Variants in STK39 observed in about 807,000 individuals in gnomAD.
STK39 encodes STE20/SPS1-related proline-alanine-rich protein kinase.
A neutral mutation model predicts 77.8 loss-of-function variants in STK39; 20 were observed. That is an observed-to-expected ratio of 0.26 (90% CI 0.18 to 0.37). STK39 has a LOEUF of 0.37. Among genes scored for constraint, STK39 ranks in the 10% least tolerant of loss-of-function variants. STK39 has a pLI of 1.00. For missense variants in STK39, 479 were observed against 656.5 expected (o/e 0.73, Z 2.95); for synonymous variants, 246 against 234.1 (o/e 1.05, Z -0.47).
At chr2:168,130,619 C>T (rs1687654374) in intron 8 of STK39, among the ~76,000 whole-genome samples, 1 of 152,224 alleles carries the variant, frequency 6.6e-6, no homozygotes, top group African/African-American at 2.4e-5. Flanking sequence ...TTGGGTAATA[C>T]TTTGACATTT....
chr2:168,247,508 C>A lies in STK39; in HGVS notation c.-73G>T. The A allele has an allele frequency of 8.8e-7, 1 of 1,141,870 alleles. No individual in the cohort carries two copies. The highest frequency in any genetic ancestry group is 1.1e-6 in the Non-Finnish European group (1 of 916,552). The allele number at this position is 1,141,870 out of a possible 1,614,324, so 70.7% of individuals were successfully genotyped here. On this transcript the variant is annotated 5_prime_UTR_variant, in exon 1 of 18. Transcript: ENST00000355999. Reference sequence around the variant, plus strand: ...TCCACTTGAAACTTCCTTTGCCTCGCCGCCGACACCTCTCGGCCGGCGCAC... The same window carrying A: ...TCCACTTGAAACTTCCTTTGCCTCGACGCCGACACCTCTCGGCCGGCGCAC...
Position 168,194,453 on chromosome 2 carries a change from C to A in STK39, c.209-12363G>T, listed in dbSNP as rs545580391. On this transcript the variant is annotated intron_variant, in intron 1 of 17. Transcript: ENST00000355999. The stretch of plus-strand genomic sequence containing the variant: ...TTAATTAATTAAAGTAAAATAAAAA[C>A]AAAAATGAAGATTCAACATTCCCTC... Among the ~76,000 whole-genome samples the A allele has an allele frequency of 1.8e-3, 275 of 152,036 alleles. 1 individual carries two copies. Among genetic ancestry groups the A allele is most frequent in the African/African-American group, 6.5e-3 (269 of 41,484 alleles).
At chr2:168,205,261 T>A (rs1689712714) in intron 1 of STK39, among the ~76,000 whole-genome samples, 1 of 152,216 alleles carries the variant, frequency 6.6e-6, no homozygotes, top group African/African-American at 2.4e-5. Context: ...TTAAAACCAG[T>A]TATAAAACAT....
intron 14 of STK39, among the ~76,000 whole-genome samples, chr2:168,031,208 C>T (rs1684825120): frequency 6.6e-6 from 1 of 152,078 alleles, no homozygotes; most frequent in African/African-American, 2.4e-5. Flanking sequence ...GGCAAGGGTA[C>T]CAGAAGGGGT....
At chr2:168,051,357 G>C (rs922048935) in intron 14 of STK39, among the ~76,000 whole-genome samples, 1 of 152,138 alleles carries the variant, frequency 6.6e-6, no homozygotes, top group East Asian at 1.9e-4. Context: ...GCTACTATCA[G>C]GTAAGGTATC....
intron 16 of STK39, among the ~76,000 whole-genome samples, chr2:167,983,820 G>A (rs1683490867): frequency 6.6e-6 from 1 of 152,110 alleles, no homozygotes; most frequent in Admixed American, 6.5e-5. Context: ...ACCTTTCTGT[G>A]CCTGCTCCCA....
At chr2:168,129,653 A>G in intron 9 of STK39, 47 bp from the exon 10 acceptor site, 2 of 1,614,000 alleles carry the variant, frequency 1.2e-6, no homozygotes, top group Admixed American at 1.7e-5. Flanking sequence ...TATGATACAC[A>G]TAAATACACA....
intron 1 of STK39, among the ~76,000 whole-genome samples, chr2:168,213,689 TAAAAAAAA>T (rs10706908): frequency 8.1e-6 from 1 of 124,218 alleles, no homozygotes; most frequent in Non-Finnish European, 1.7e-5. Context: ...CAGCCATATT[TAAAAAAAA>T]AAAAAAAAAA....
chr2:168,098,740 G>A (rs935620779), intron 10 of STK39, among the ~76,000 whole-genome samples: 3 of 151,826 alleles, frequency 2.0e-5, no homozygotes, highest in African/African-American at 7.3e-5. Context: ...AAAAAGTGAC[G>A]GCATAAGATT....
chr2:168,128,805 C>A (rs78755366), intron 10 of STK39, among the ~76,000 whole-genome samples: 14,830 of 152,164 alleles, frequency 0.097, 1,268 homozygotes, highest in African/African-American at 0.21. Context: ...TTCTCTGTAA[C>A]TGTAAATGGG....
chr2:168,246,075 G>A (rs1218197888), intron 1 of STK39, among the ~76,000 whole-genome samples: 1 of 152,158 alleles, frequency 6.6e-6, no homozygotes, highest in East Asian at 1.9e-4. Context: ...TTAAAAGGAG[G>A]TGAAGAATTT....
At chr2:168,069,586 G>A (rs74969173) in intron 12 of STK39, among the ~76,000 whole-genome samples, 3,349 of 149,162 alleles carry the variant, frequency 0.022, 134 homozygotes, top group African/African-American at 0.077. Flanking sequence ...AATTTCTGAT[G>A]GACATTTAAA....
chr2:168,151,138 T>C (rs1023154187), intron 5 of STK39, among the ~76,000 whole-genome samples: 54 of 119,484 alleles, frequency 4.5e-4, no homozygotes, highest in Admixed American at 1.2e-3. Flanking sequence ...TCAAATGCTC[T>C]AGTCACTTAT....
intron 1 of STK39, among the ~76,000 whole-genome samples, chr2:168,195,096 CTCTT>C (rs1689435617): frequency 6.6e-6 from 1 of 152,196 alleles, no homozygotes; most frequent in South Asian, 2.1e-4. Context: ...TATTTCCTCT[CTCTT>C]TCATTTACTC....
chr2:168,023,384 C>T (rs373704044), intron 14 of STK39, among the ~76,000 whole-genome samples: 27 of 151,762 alleles, frequency 1.8e-4, no homozygotes, highest in African/African-American at 6.5e-4. Flanking sequence ...AACAATCAAA[C>T]GAGGCAGCTG....
intron 16 of STK39, among the ~76,000 whole-genome samples, chr2:167,981,830 A>C (rs933835417): frequency 6.6e-6 from 1 of 152,158 alleles, no homozygotes; most frequent in African/African-American, 2.4e-5. Context: ...TCCCACAGCC[A>C]CTGCCATCAT....
intron 1 of STK39, among the ~76,000 whole-genome samples, chr2:168,239,959 G>C (rs1010214268): frequency 1.3e-5 from 2 of 152,198 alleles, no homozygotes; most frequent in Non-Finnish European, 2.9e-5. Flanking sequence ...TGGTTACATG[G>C]TGTGTTCAAT....
At chr2:168,013,970 T>C (rs1684341770) in intron 15 of STK39, among the ~76,000 whole-genome samples, 1 of 152,216 alleles carries the variant, frequency 6.6e-6, no homozygotes, top group Non-Finnish European at 1.5e-5. Flanking sequence ...ACTATGATGA[T>C]GATGCAGCAG....
chr2:168,180,283 G>T (rs1689053046), intron 2 of STK39, among the ~76,000 whole-genome samples: 2 of 152,068 alleles, frequency 1.3e-5, no homozygotes, highest in Non-Finnish European at 2.9e-5. Context: ...GGAGGCGGAG[G>T]TTGCAGTGAG....
Sources: allele counts gnomAD v4.1 joint callset (sites outside exome capture counted in the v4.1 genomes callset), GRCh38; gene constraint gnomAD v4.1.1; transcripts MANE v1.5; gene names NCBI Gene and HGNC (gene_info 2026-07-23, HGNC 2026-07-21).